Variants in CLCN4 observed in about 807,000 individuals in gnomAD.
CLCN4 encodes Cl-/H+ antiporter 4, also known as H(+)/Cl(-) exchange transporter 4.
Under a neutral mutation model 41.7 loss-of-function variants are expected in CLCN4, and 1 was observed. The observed-to-expected ratio is 0.02, with a 90% CI of 0.01 to 0.11. CLCN4 has a LOEUF of 0.11. Ranked by LOEUF, CLCN4 falls within the 10% of genes least tolerant of loss-of-function variation. CLCN4 has a pLI of 1.00. For missense variants in CLCN4, 287 were observed against 661.0 expected, an observed-to-expected ratio of 0.43 and a Z score of 6.20; for synonymous variants, 277 against 285.8, an observed-to-expected ratio of 0.97 and a Z score of 0.31.
At chrX:10,202,474 TA>T (rs1216988989) in intron 6 of CLCN4, among the ~76,000 whole-genome samples, 15 of 101,081 alleles carry the variant, frequency 1.5e-4, no homozygotes, top group East Asian at 3.1e-4. Flanking sequence ...TTCTGTCTCA[TA>T]AAAAAAAAAT....
In CLCN4 at chrX:10,189,131, T is replaced by A. The variant is rs191934030; in HGVS notation, c.244+1517T>A. Among the ~76,000 whole-genome samples, 29 of 112,307 alleles carry A rather than the reference T, an allele frequency of 2.6e-4. No individual in the cohort carries two copies. The Middle Eastern group carries it at 0.018, about 71-fold the overall frequency. On this transcript the variant is annotated intron_variant, in intron 4 of 12. Coordinates refer to ENST00000380833, the MANE Select transcript of CLCN4 (RefSeq NM_001830.4). Reference sequence around the variant, plus strand: ...GAAGGTGGGCCAGGTGGGAGTTTGCTATGAATTTTGATGTCCTTATTTAGA... The same window carrying A: ...GAAGGTGGGCCAGGTGGGAGTTTGCAATGAATTTTGATGTCCTTATTTAGA...
At chrX:10,183,944 G>T (rs902611826) in intron 2 of CLCN4, among the ~76,000 whole-genome samples, 2 of 112,196 alleles carry the variant, frequency 1.8e-5, no homozygotes, top group African/African-American at 6.5e-5. Flanking sequence ...GCGGCAGGTT[G>T]TCCCACCTCC....
At chrX:10,205,289 G>T (rs904879470) in intron 6 of CLCN4, among the ~76,000 whole-genome samples, 87 of 110,069 alleles carry the variant, frequency 7.9e-4, no homozygotes, top group African/African-American at 2.6e-3. Context: ...CTGGCTAACA[G>T]GGTGAAACCC....
In CLCN4 at chrX:10,188,318, C is replaced by T. The variant is rs961991310; in HGVS notation, c.244+704C>T. On this transcript the variant is annotated intron_variant, in intron 4 of 12. Coordinates refer to ENST00000380833, the MANE Select transcript of CLCN4 (RefSeq NM_001830.4). ...AAATGTCATATGAGATTGCCTTTTG[C>T]TACTACTGGTAGGCTCTGGGATGAA... is the stretch of plus-strand genomic sequence containing the variant. Among the ~76,000 whole-genome samples, 22 of 112,561 alleles carry T rather than the reference C, an allele frequency of 2.0e-4. No individual in the cohort carries two copies. The Admixed American group carries it at 2.1e-3, about 11-fold the overall frequency.
At chrX:10,198,453 C>G (rs1924153843) in intron 6 of CLCN4, among the ~76,000 whole-genome samples, 1 of 112,321 alleles carries the variant, frequency 8.9e-6, no homozygotes, top group African/African-American at 3.2e-5. Flanking sequence ...AATAACTCAT[C>G]AGTGCATCTG....
intron 2 of CLCN4, among the ~76,000 whole-genome samples, chrX:10,183,935 C>T (rs1042338559): frequency 7.1e-5 from 8 of 112,292 alleles, no homozygotes; most frequent in East Asian, 2.8e-4. Context: ...TCTTGGCTCG[C>T]GGCAGGTTGT....
At chrX:10,184,083 T>C (rs1196744748) in intron 2 of CLCN4, among the ~76,000 whole-genome samples, 1 of 112,321 alleles carries the variant, frequency 8.9e-6, no homozygotes, top group Non-Finnish European at 1.9e-5. Flanking sequence ...ATTTTGAATA[T>C]CCATGATGAC....
At chrX:10,200,039 C>T (rs1437330157) in intron 6 of CLCN4, among the ~76,000 whole-genome samples, 2 of 112,191 alleles carry the variant, frequency 1.8e-5, no homozygotes, top group African/African-American at 3.2e-5. Flanking sequence ...GCGTGAGCCG[C>T]CACGCCTGGC....
At chrX:10,205,486 AAAAAG>A (rs1211283336) in intron 6 of CLCN4, among the ~76,000 whole-genome samples, 22 of 100,541 alleles carry the variant, frequency 2.2e-4, no homozygotes, top group African/African-American at 8.8e-4. Flanking sequence ...AAAAAAAAAA[AAAAAG>A]AAAAAGAAAC....
chrX:10,215,593 C>T (rs1047789002), intron 11 of CLCN4, among the ~76,000 whole-genome samples: 25 of 111,496 alleles, frequency 2.2e-4, no homozygotes, highest in Non-Finnish European at 4.0e-4. Flanking sequence ...CTGTAATCAG[C>T]AGCCTTTAAA....
intron 4 of CLCN4, 114 bp from the exon 5 acceptor site, chrX:10,194,797 G>A: frequency 1.5e-6 from 1 of 688,793 alleles, no homozygotes; most frequent in Non-Finnish European, 2.2e-6. Context: ...TTTATTGCCT[G>A]CTCTGGAATC....
intron 12 of CLCN4, 102 bp downstream of exon 12, chrX:10,220,979 C>G: frequency 1.5e-6 from 1 of 674,584 alleles, no homozygotes; most frequent in South Asian, 2.5e-5. Context: ...GTGGAATAGT[C>G]CTTGACAGAG....
At chrX:10,190,814 A>G (rs1030097826) in intron 4 of CLCN4, among the ~76,000 whole-genome samples, 7 of 112,334 alleles carry the variant, frequency 6.2e-5, no homozygotes, top group African/African-American at 1.3e-4. Flanking sequence ...AAATCAGGAA[A>G]TAGCTAATGA....
intron 4 of CLCN4, among the ~76,000 whole-genome samples, chrX:10,194,579 G>A (rs992865057): frequency 9.0e-6 from 1 of 111,726 alleles, no homozygotes; most frequent in Non-Finnish European, 1.9e-5. Flanking sequence ...CATTGAGAGA[G>A]TTCTGTCTTT....
At chrX:10,212,380 C>T (rs1924579239) in intron 9 of CLCN4, 87 bp from the exon 10 acceptor site, 5 of 938,031 alleles carry the variant, frequency 5.3e-6, no homozygotes, top group South Asian at 2.2e-5. Flanking sequence ...AATGCAAGCC[C>T]GTCGAGGGGG....
intron 2 of CLCN4, among the ~76,000 whole-genome samples, chrX:10,174,196 A>G (rs1261792841): frequency 1.8e-5 from 2 of 111,949 alleles, no homozygotes; most frequent in Admixed American, 9.4e-5. Context: ...GTGGAAAGAG[A>G]GACTTCCTTT....
intron 2 of CLCN4, among the ~76,000 whole-genome samples, chrX:10,177,354 T>C (rs1923560638): frequency 8.9e-6 from 1 of 112,307 alleles, no homozygotes; most frequent in South Asian, 3.7e-4. Context: ...TGGCCCCTGT[T>C]ACAGTGCAAA....
intron 2 of CLCN4, among the ~76,000 whole-genome samples, chrX:10,172,835 A>AT (rs1465951226): frequency 2.7e-5 from 3 of 111,860 alleles, no homozygotes; most frequent in East Asian, 2.8e-4. Context: ...ATGCCAGAAC[A>AT]TTTTTTTCCC....
At chrX:10,199,844 C>T (rs757821775) in intron 6 of CLCN4, among the ~76,000 whole-genome samples, 3 of 110,688 alleles carry the variant, frequency 2.7e-5, no homozygotes, top group East Asian at 5.7e-4. Context: ...GTGCAACCTC[C>T]GTTTCCCAGG....
Sources: gnomAD v4.1 joint callset for allele counts (sites outside exome capture counted in the v4.1 genomes callset) on GRCh38, gnomAD v4.1.1 for gene constraint, MANE v1.5 for transcripts, NCBI Gene and HGNC (gene_info 2026-07-23, HGNC 2026-07-21) for gene names.